Variants in DOK5 observed in about 807,000 individuals in gnomAD.
DOK5 encodes the protein downstream of tyrosine kinase 5.
DOK5 carries 27 observed loss-of-function variants against 43.3 expected under a neutral mutation model. That is an observed-to-expected ratio of 0.62 (90% CI 0.46 to 0.86). The LOEUF (loss-of-function observed/expected upper bound fraction) is 0.86, where lower values mean the gene tolerates loss of function less well. Ranked by LOEUF, DOK5 falls within the 40% of genes least tolerant of loss-of-function variation. The probability of loss-of-function intolerance (pLI) is 0.00; values close to 1 mark genes in which losing one functional copy is unlikely to be tolerated. For missense variants in DOK5, 373 were observed against 392.9 expected (o/e 0.95, Z 0.43); for synonymous variants, 146 against 140.1 (o/e 1.04, Z -0.30).
chr20:54,530,214 C>A (rs1293411970), intron 1 of DOK5, among the ~76,000 whole-genome samples: 2 of 152,148 alleles, frequency 1.3e-5, no homozygotes, highest in African/African-American at 4.8e-5. Context: ...GTCTATAAAT[C>A]CTTTTTTACT....
chr20:54,557,270 A>G (rs1015239887), intron 2 of DOK5, among the ~76,000 whole-genome samples: 12 of 152,314 alleles, frequency 7.9e-5, no homozygotes, highest in South Asian at 6.2e-4. Context: ...CAATTTTTCC[A>G]CAGACGGGGT....
At chr20:54,608,106 G>A (rs780469546) in intron 5 of DOK5, among the ~76,000 whole-genome samples, 2 of 152,064 alleles carry the variant, frequency 1.3e-5, no homozygotes, top group Non-Finnish European at 2.9e-5. Flanking sequence ...CATTTCCTAC[G>A]GCGGGTTGCA....
At chr20:54,643,665 T>C in intron 7 of DOK5, 87 bp downstream of exon 7, 7 of 1,490,368 alleles carry the variant, frequency 4.7e-6, no homozygotes, top group East Asian at 2.4e-5. Flanking sequence ...AGCTGCTGCA[T>C]GCCAGCTGGT....
intron 5 of DOK5, among the ~76,000 whole-genome samples, chr20:54,606,240 C>A (rs1288790283): frequency 6.6e-6 from 1 of 152,230 alleles, no homozygotes; most frequent in African/African-American, 2.4e-5. Flanking sequence ...GAATCCTTAT[C>A]ATCACAGAGG....
chr20:54,591,536 T>C, intron 4 of DOK5, 80 bp from the exon 5 acceptor site: 1 of 1,128,964 alleles, frequency 8.9e-7, no homozygotes, highest in Non-Finnish European at 1.2e-6. Context: ...TGAATTGTTT[T>C]TAAATGCCTC....
intron 2 of DOK5, 64 bp downstream of exon 2, chr20:54,555,104 C>A: frequency 8.9e-7 from 1 of 1,123,520 alleles, no homozygotes; most frequent in Non-Finnish European, 1.4e-6. Flanking sequence ...GAATTACTGA[C>A]TGAAAACTTG....
chr20:54,563,179 C>G (rs1179959701), intron 2 of DOK5, among the ~76,000 whole-genome samples: 1 of 152,186 alleles, frequency 6.6e-6, no homozygotes, highest in African/African-American at 2.4e-5. Flanking sequence ...CTGCCAGCAC[C>G]TTGATTTTGG....
At chr20:54,637,464 C>T (rs549071988) in intron 6 of DOK5, among the ~76,000 whole-genome samples, 40 of 152,228 alleles carry the variant, frequency 2.6e-4, no homozygotes, top group Admixed American at 4.6e-4. Context: ...CAGTGCTAAA[C>T]TCCCCTGCTG....
chr20:54,482,807 C>T (rs1981773309), intron 1 of DOK5, among the ~76,000 whole-genome samples: 1 of 152,154 alleles, frequency 6.6e-6, no homozygotes. Flanking sequence ...TCATCATATG[C>T]TATTGTTATT....
At chr20:54,585,577 G>C (rs1456364215) in intron 2 of DOK5, among the ~76,000 whole-genome samples, 2 of 152,264 alleles carry the variant, frequency 1.3e-5, no homozygotes, top group Non-Finnish European at 2.9e-5. Context: ...ATGTTGAAAA[G>C]AAAGAAGTCT....
chr20:54,586,871 G>C (rs1236758920), intron 2 of DOK5, among the ~76,000 whole-genome samples: 2 of 152,006 alleles, frequency 1.3e-5, no homozygotes, highest in African/African-American at 4.8e-5. Context: ...GTATAGAGAG[G>C]ACAGTGGTGA....
At chr20:54,636,709 C>T (rs780425636) in intron 6 of DOK5, among the ~76,000 whole-genome samples, 23 of 152,198 alleles carry the variant, frequency 1.5e-4, no homozygotes, top group Non-Finnish European at 2.2e-4. Context: ...CCATTTCCCA[C>T]GTGGTGTGTC....
Position 54,610,535 on chromosome 20 carries a change from A to G in DOK5, c.735+12A>G. The G allele has an allele frequency of 1.4e-6, 2 of 1,472,402 alleles. No homozygotes were observed. The highest frequency in any genetic ancestry group is 1.4e-5 in the South Asian group (1 of 69,206). The allele number at this position is 1,472,402 out of a possible 1,614,324, so 91.2% of individuals were successfully genotyped here. A position where few individuals can be genotyped will look rare whatever the true frequency, so the allele number is the denominator to read the frequency against. ...TGAAAAACTCGATGGTACGTTTGGA[A>G]TTTCTTCCTCGTGTCCCAGTGCCTA... On this transcript the variant is annotated intron_variant, in intron 6 of 7. Transcript: ENST00000262593.
At chr20:54,564,180 T>C (rs2146739425) in intron 2 of DOK5, among the ~76,000 whole-genome samples, 1 of 152,250 alleles carries the variant, frequency 6.6e-6, no homozygotes, top group Non-Finnish European at 1.5e-5. Flanking sequence ...TCCCAGCACT[T>C]TGGGAGGCTG....
chr20:54,640,305 C>T (rs1442064892), intron 6 of DOK5, among the ~76,000 whole-genome samples: 1 of 152,196 alleles, frequency 6.6e-6, no homozygotes, highest in Non-Finnish European at 1.5e-5. Flanking sequence ...AATTTCAACT[C>T]TTCCAAACAT....
intron 2 of DOK5, among the ~76,000 whole-genome samples, chr20:54,559,150 T>G (rs1341995836): frequency 6.6e-6 from 1 of 152,194 alleles, no homozygotes; most frequent in Non-Finnish European, 1.5e-5. Flanking sequence ...GAAATAATGT[T>G]GCTTATACTA....
chr20:54,590,346 A>T (rs1001715238), intron 4 of DOK5, among the ~76,000 whole-genome samples: 1 of 152,146 alleles, frequency 6.6e-6, no homozygotes, highest in African/African-American at 2.4e-5. Context: ...TCACTCCACC[A>T]TTATTGCTAT....
intron 2 of DOK5, among the ~76,000 whole-genome samples, chr20:54,562,038 T>C (rs1568784602): frequency 6.6e-6 from 1 of 152,210 alleles, no homozygotes; most frequent in Non-Finnish European, 1.5e-5. Context: ...AATTTCCTCA[T>C]CATCCAATGC....
intron 5 of DOK5, among the ~76,000 whole-genome samples, chr20:54,595,063 T>C (rs960569321): frequency 7.2e-5 from 11 of 152,108 alleles, no homozygotes; most frequent in Non-Finnish European, 1.3e-4. Context: ...TATAAAGGGC[T>C]GGGCGTGGTG....
Sources: gnomAD v4.1 joint callset for allele counts (sites outside exome capture counted in the v4.1 genomes callset) on GRCh38, gnomAD v4.1.1 for gene constraint, MANE v1.5 for transcripts, NCBI Gene and HGNC (gene_info 2026-07-23, HGNC 2026-07-21) for gene names.